Variants in C16orf96 observed in about 807,000 individuals in gnomAD.
C16orf96 encodes uncharacterized protein C16orf96.
Under a neutral mutation model 103.6 loss-of-function variants are expected in C16orf96, and 108 were observed. The observed-to-expected ratio is 1.04, with a 90% CI of 0.89 to 1.22. C16orf96 has a LOEUF of 1.22. Among genes scored for constraint, C16orf96 ranks in the 50% most tolerant of loss-of-function variants. The pLI, the probability that C16orf96 is intolerant of heterozygous loss-of-function variation, is 0.00. For synonymous variants in C16orf96, 566 were observed against 593.5 expected (o/e 0.95, Z 0.67); for missense variants, 1,586 against 1,464.2 (o/e 1.08, Z -1.36).
chr16:4,557,159 G>A (rs1310890785), intron 1 of C16orf96, among the ~76,000 whole-genome samples: 1 of 152,042 alleles, frequency 6.6e-6, no homozygotes, highest in African/African-American at 2.4e-5. Context: ...TAGTAGAGAT[G>A]GGGTTTCACT....
chr16:4,578,141 T>TA (rs201406839), intron 5 of C16orf96, among the ~76,000 whole-genome samples: 28 of 152,182 alleles, frequency 1.8e-4, no homozygotes, highest in African/African-American at 5.3e-4. Flanking sequence ...AAAATTTTTT[T>TA]AATTATTGTT....
intron 1 of C16orf96, among the ~76,000 whole-genome samples, chr16:4,561,866 G>A (rs2059335768): frequency 2.0e-5 from 3 of 152,310 alleles, no homozygotes; most frequent in South Asian, 2.1e-4. Flanking sequence ...GTCCCAGTCT[G>A]CCTCCTTCAG....
At chr16:4,551,688 G>A (rs1293046331), upstream of C16orf96, among the ~76,000 whole-genome samples, 1 of 151,950 alleles carries the variant, frequency 6.6e-6, no homozygotes, top group Non-Finnish European at 1.5e-5. Flanking sequence ...TCCTGACCTC[G>A]TGATCTGCCC....
At chr16:4,545,234 G>A in the C16orf96 span, among the ~76,000 whole-genome samples, 1 of 152,112 alleles carries the variant, frequency 6.6e-6, no homozygotes, top group African/African-American at 2.4e-5. Flanking sequence ...TAGGGACAGG[G>A]TCTGTTCTGT....
At chr16:4,591,903 GCTGTGGCTGAAAGCA>G (rs1897067970) in intron 10 of C16orf96, 119 bp downstream of exon 10, 5 of 828,878 alleles carry the variant, frequency 6.0e-6, no homozygotes, top group Non-Finnish European at 7.9e-6. Flanking sequence ...TGGGGGCTTG[GCTGTGGCTGAAAGCA>G]CTGAGGAGGA....
In C16orf96 at chr16:4,594,459, C is replaced by A. The variant is rs1897126898; in HGVS notation, c.2976C>A (p.Asn992Lys). The part of the protein sequence containing the change: ...NATSLKCKSC[N>K]LLTLYPYGDP... ...CCAGCCTCAAGTGCAAGTCCTGCAA[C>A]CTGTTGACGCTCTATCCCTACGGGG... is the stretch of plus-strand genomic sequence containing the variant. Residue 992 changes from asparagine to lysine, a missense_variant, in exon 13 of 16, where the codon AAC (asparagine) becomes AAA (lysine). Asn to Lys is a moderately conservative substitution (Grantham distance 94). Coordinates refer to ENST00000444310, the MANE Select transcript of C16orf96 (RefSeq NM_001145011.2). 3.2e-6 allele frequency: 5 copies of A among 1,551,560 alleles called. No homozygotes were observed. Among genetic ancestry groups the A allele is most frequent in the South Asian group, 2.4e-5 (2 of 84,068 alleles).
intron 1 of C16orf96, among the ~76,000 whole-genome samples, chr16:4,561,953 G>C (rs368774977): frequency 6.6e-6 from 1 of 152,154 alleles, no homozygotes. Context: ...GATGTCAGCT[G>C]TTTGTTGTTG....
At chr16:4,586,759 G>A (rs532925438) in intron 7 of C16orf96, among the ~76,000 whole-genome samples, 1 of 152,202 alleles carries the variant, frequency 6.6e-6, no homozygotes, top group African/African-American at 2.4e-5. Flanking sequence ...CGTCCACATT[G>A]GTTTGTGCTT....
Position 4,591,867 on chromosome 16 carries a change from A to C in C16orf96, c.2711+83A>C, listed in dbSNP as rs1897067021. 60 of 1,108,040 alleles carry C rather than the reference A, an allele frequency of 5.4e-5. 2 individuals carry two copies. The South Asian group carries it at 8.0e-4, about 15-fold the overall frequency. The allele number at this position is 1,108,040 out of a possible 1,614,324, so 68.6% of individuals were successfully genotyped here. The stretch of plus-strand genomic sequence containing the variant: ...CACACCCTGGAAGCTCTGGGAGGAA[A>C]GATTCCAGACCTTTGGATGAGGGGA... On this transcript the variant is annotated intron_variant, in intron 10 of 15. Coordinates refer to ENST00000444310, the MANE Select transcript of C16orf96 (RefSeq NM_001145011.2).
At chr16:4,597,479 G>A (rs1490827715) in intron 14 of C16orf96, among the ~76,000 whole-genome samples, 1 of 151,978 alleles carries the variant, frequency 6.6e-6, no homozygotes, top group Non-Finnish European at 1.5e-5. Context: ...AGAGGGAGGG[G>A]CTTTCCCCCT....
intron 1 of C16orf96, among the ~76,000 whole-genome samples, chr16:4,566,226 G>GT (rs1308914051): frequency 6.6e-6 from 1 of 152,138 alleles, no homozygotes. Context: ...AGATCATCTG[G>GT]TATCTCTATA....
intron 1 of C16orf96, 77 bp downstream of exon 1, chr16:4,556,986 T>C (rs2059271972): frequency 7.0e-7 from 1 of 1,422,686 alleles, no homozygotes; most frequent in Non-Finnish European, 9.3e-7. Context: ...TTTTTTGTTT[T>C]TGAGACTCCG....
intron 7 of C16orf96, among the ~76,000 whole-genome samples, chr16:4,584,967 A>C (rs1028608422): frequency 2.6e-4 from 39 of 152,052 alleles, no homozygotes; most frequent in Non-Finnish European, 4.3e-4. Flanking sequence ...CACTGCGCCC[A>C]GCCAAAATAA....
At chr16:4,588,462 G>A (rs774792994) in intron 9 of C16orf96, 131 bp downstream of exon 9, 19 of 1,035,330 alleles carry the variant, frequency 1.8e-5, no homozygotes, top group Non-Finnish European at 2.6e-5. Flanking sequence ...TTAGCTGGGT[G>A]GCTCAGGGTT....
chr16:4,564,639 T>C (rs565393747), intron 1 of C16orf96, among the ~76,000 whole-genome samples: 99 of 152,234 alleles, frequency 6.5e-4, no homozygotes, highest in African/African-American at 2.3e-3. Context: ...GGCAAAACCT[T>C]GTCTTTACTA....
In C16orf96 at chr16:4,575,795, C is replaced by T; in HGVS notation, c.1315C>T (p.Gln439Ter). 9 of 1,551,102 alleles carry T rather than the reference C, an allele frequency of 5.8e-6. No homozygotes were observed. The highest frequency in any genetic ancestry group is 7.8e-6 in the Non-Finnish European group (9 of 1,146,980). ...EFGSLWPRPLQPYQSRQGEAL... is the reference protein window; with the variant it reads ...EFGSLWPRPL ...TGGCTCATTGTGGCCTCGACCACTCCAGCCATATCAGTCTCGCCAGGGAGA... is the reference window on the plus strand; with the variant it reads ...TGGCTCATTGTGGCCTCGACCACTCTAGCCATATCAGTCTCGCCAGGGAGA... The change falls in exon 5 of 16, where the codon CAG becomes TAG. Residue 439 changes from glutamine (Q) to a stop codon, truncating the protein, a stop_gained. Transcript: ENST00000444310. LOFTEE classifies it high-confidence loss of function.
intron 1 of C16orf96, among the ~76,000 whole-genome samples, chr16:4,557,851 G>A (rs1222554773): frequency 1.3e-5 from 2 of 152,096 alleles, no homozygotes; most frequent in African/African-American, 2.4e-5. Flanking sequence ...TGTATTGTTT[G>A]TAGAGATAGG....
intron 14 of C16orf96, among the ~76,000 whole-genome samples, chr16:4,596,402 T>C (rs549766582): frequency 2.0e-5 from 3 of 151,598 alleles, no homozygotes; most frequent in African/African-American, 7.3e-5. Flanking sequence ...GGAGAATCAC[T>C]TGAACCCAGG....
rs2059262516 is a variant in C16orf96 at position 4,556,408 on chromosome 16, T to C, written c.-82T>C. On this transcript the variant is annotated 5_prime_UTR_variant, in exon 1 of 16. It removes an upstream start codon present in the reference 5' UTR. Transcript: ENST00000444310. ...CCCCAGGCCTCTGAGGACCAGTCCATGTAGCTCTCGGAACCACTGAAAGCT... is the reference window on the plus strand; with the variant it reads ...CCCCAGGCCTCTGAGGACCAGTCCACGTAGCTCTCGGAACCACTGAAAGCT... The C allele has an allele frequency of 2.2e-6, 3 of 1,392,172 alleles. No homozygotes were observed. Among genetic ancestry groups the C allele is most frequent in the Non-Finnish European group, 2.9e-6 (3 of 1,046,490 alleles). 86.2% of individuals were successfully genotyped at this position (1,392,172 alleles called of 1,614,324 possible).
Sources: gnomAD v4.1 joint callset for allele counts (sites outside exome capture counted in the v4.1 genomes callset) on GRCh38, gnomAD v4.1.1 for gene constraint, MANE v1.5 for transcripts, NCBI Gene and HGNC (gene_info 2026-07-23, HGNC 2026-07-21) for gene names.